CAPN14: variants seen among roughly 807,000 people sequenced by gnomAD.
CAPN14 encodes calpain 14, also known as calpain-14.
Under a neutral mutation model 101.3 loss-of-function variants are expected in CAPN14, and 94 were observed. The ratio of observed to expected loss-of-function variants is 0.93; its 90% CI spans 0.79 to 1.10. CAPN14 has a LOEUF of 1.10. CAPN14 is among the 50% of genes least tolerant of loss of function. The pLI is 0.00. For missense variants in CAPN14, 837 were observed against 828.4 expected (o/e 1.01, Z -0.13); for synonymous variants, 338 against 317.9 (o/e 1.06, Z -0.67).
chr2:31,188,851 C>T (rs1022073767), intron 13 of CAPN14, among the ~76,000 whole-genome samples: 1 of 152,172 alleles, frequency 6.6e-6, no homozygotes, highest in African/African-American at 2.4e-5. Flanking sequence ...ATAATAGTCA[C>T]CTCCTCCCTG....
At position 31,214,806 on chromosome 2, in the gene CAPN14, C is replaced by T. The variant is rs80256378; in HGVS notation, c.-53+2650G>A. Among the ~76,000 whole-genome samples, 1,493 of 152,330 alleles carry T rather than the reference C, an allele frequency of 9.8e-3. 31 individuals carry two copies. The highest frequency in any genetic ancestry group is 0.034 in the African/African-American group (1,408 of 41,556). Reference sequence around the variant, plus strand: ...TTCCCTGAGCAAAGGAACATCCGCTCGGCCTTTGTGGAAGTTGCACCCTGG... The same window carrying T: ...TTCCCTGAGCAAAGGAACATCCGCTTGGCCTTTGTGGAAGTTGCACCCTGG... On this transcript the variant is annotated intron_variant, in intron 1 of 21. Transcript: ENST00000403897.
chr2:31,197,491 C>A (rs1005051063), intron 7 of CAPN14, among the ~76,000 whole-genome samples, 157 bp from the exon 8 acceptor site: 3 of 152,196 alleles, frequency 2.0e-5, no homozygotes, highest in Admixed American at 2.0e-4. Context: ...CTTGTACTTA[C>A]AAGCTGTGAG....
At chr2:31,191,894 A>G (rs1347084414) in intron 11 of CAPN14, 41 bp downstream of exon 11, 2 of 1,494,088 alleles carry the variant, frequency 1.3e-6, no homozygotes, top group Non-Finnish European at 1.8e-6. Context: ...GGTGACCCCC[A>G]CGCTTGGTCC....
intron 9 of CAPN14, among the ~76,000 whole-genome samples, chr2:31,194,120 T>C (rs895879484): frequency 6.6e-6 from 1 of 152,088 alleles, no homozygotes; most frequent in Admixed American, 6.5e-5. Context: ...GCAAAACCTG[T>C]TTTGAATACA....
intron 11 of CAPN14, 112 bp downstream of exon 11, chr2:31,191,823 A>G: frequency 9.2e-7 from 1 of 1,081,870 alleles, no homozygotes; most frequent in East Asian, 2.6e-5. Context: ...TTGAAAACCC[A>G]GGTCTGTGAA....
intron 1 of CAPN14, among the ~76,000 whole-genome samples, chr2:31,211,940 G>T (rs1317320917): frequency 6.6e-6 from 1 of 152,092 alleles, no homozygotes; most frequent in East Asian, 1.9e-4. Context: ...AATAACTTTT[G>T]GGGTAATGGA....
intron 3 of CAPN14, among the ~76,000 whole-genome samples, 186 bp from the exon 4 acceptor site, chr2:31,202,438 T>A (rs1329463174): frequency 6.6e-6 from 1 of 152,158 alleles, no homozygotes; most frequent in Non-Finnish European, 1.5e-5. Context: ...GAAATCCAAC[T>A]TGACCCCAAA....
At chr2:31,177,887 G>A in intron 18 of CAPN14, 66 bp from the exon 19 acceptor site, 1 of 1,190,316 alleles carries the variant, frequency 8.4e-7, no homozygotes, top group Non-Finnish European at 1.2e-6. Context: ...AGAGCCCTGT[G>A]TGCCCCTTGT....
Position 31,188,373 on chromosome 2 carries a change from G to GA in CAPN14, c.1494-20dup. ...AATTTCACTGAGAACAAACAAACAAGAACAAACTCAGAGTTTCCTCTTGGG... is the reference window on the plus strand; with the variant it reads ...AATTTCACTGAGAACAAACAAACAAGAAACAAACTCAGAGTTTCCTCTTGGG... On this transcript the variant is annotated intron_variant, in intron 13 of 21. Transcript: ENST00000403897. 1 of 1,551,288 alleles carries GA rather than the reference G, an allele frequency of 6.4e-7. No homozygotes were observed. The highest frequency in any genetic ancestry group is 8.7e-7 in the Non-Finnish European group (1 of 1,146,802).
chr2:31,208,687 T>C (rs1328424029), intron 1 of CAPN14, among the ~76,000 whole-genome samples: 1 of 152,216 alleles, frequency 6.6e-6, no homozygotes, highest in African/African-American at 2.4e-5. Context: ...TCCTATATAT[T>C]ACAAACCATG....
intron 1 of CAPN14, chr2:31,233,776 C>G (rs1683266360): frequency 6.6e-6 from 1 of 152,128 alleles, no homozygotes; most frequent in Non-Finnish European, 1.5e-5. Context: ...AAAAAATCCC[C>G]CAATACTAGA....
intron 7 of CAPN14, among the ~76,000 whole-genome samples, chr2:31,198,626 T>C (rs1041111200): frequency 5.9e-5 from 9 of 152,140 alleles, no homozygotes; most frequent in African/African-American, 2.4e-5. Flanking sequence ...CAGACCAACA[T>C]AGTTGTTGGA....
Position 31,173,325 on chromosome 2 carries a change from T to C in CAPN14, c.*1356A>G, listed in dbSNP as rs546601454. 1.3e-5 allele frequency: 2 copies of C among 152,374 alleles called. No individual in the cohort carries two copies. Among genetic ancestry groups the C allele is most frequent in the East Asian group, 3.9e-4 (2 of 5,194 alleles). 9.4% of individuals were successfully genotyped at this position (152,374 alleles called of 1,614,324 possible). Reference sequence around the variant, plus strand: ...GCTACGCTTTCAAAGTGCTCCTTTCTTCTGGTACAGTACCCATCTGACAGG... The same window carrying C: ...GCTACGCTTTCAAAGTGCTCCTTTCCTCTGGTACAGTACCCATCTGACAGG... On this transcript the variant is annotated 3_prime_UTR_variant, in exon 22 of 22. Transcript: ENST00000403897.
chr2:31,229,360 C>A (rs999846078), intron 1 of CAPN14, among the ~76,000 whole-genome samples: 46 of 152,146 alleles, frequency 3.0e-4, no homozygotes, highest in African/African-American at 1.0e-3. Flanking sequence ...TTGTCTTGAA[C>A]CACAGTTATG....
rs529990622 is a variant in CAPN14, at chr2:31,174,563, G to A, written c.*118C>T. ...AAACCTTCCCAGCTGAGAAGGTGAC[G>A]GCTAGTGAGGCTGTCCTGAAGATCA... On this transcript the variant is annotated 3_prime_UTR_variant, in exon 22 of 22. Transcript: ENST00000403897. 7.5e-5 allele frequency: 79 copies of A among 1,052,068 alleles called. No homozygotes were observed. The African/African-American group carries it at 8.1e-4, about 11-fold the overall frequency. 65.2% of individuals were successfully genotyped at this position (1,052,068 alleles called of 1,614,324 possible). A position where few individuals can be genotyped will look rare whatever the true frequency, so the allele number is the denominator to read the frequency against.
At chr2:31,178,402 G>T in intron 18 of CAPN14, 109 bp downstream of exon 18, 2 of 803,034 alleles carry the variant, frequency 2.5e-6, no homozygotes, top group Non-Finnish European at 2.1e-6. Flanking sequence ...AGAAGGTTTG[G>T]TGAGGTGGAT....
intron 5 of CAPN14, among the ~76,000 whole-genome samples, 169 bp downstream of exon 5, chr2:31,201,693 A>G (rs932664460): frequency 6.6e-6 from 1 of 152,180 alleles, no homozygotes; most frequent in African/African-American, 2.4e-5. Context: ...GCAGGTTTAG[A>G]TGAGGTGACC....
At chr2:31,197,184 C>A in intron 8 of CAPN14, 65 bp downstream of exon 8, 3 of 1,101,534 alleles carry the variant, frequency 2.7e-6, no homozygotes, top group Non-Finnish European at 4.1e-6. Flanking sequence ...AATCTGTGTG[C>A]AAATGGCAGC....
chr2:31,216,338 G>C (rs1199209192), intron 1 of CAPN14, among the ~76,000 whole-genome samples: 1 of 152,106 alleles, frequency 6.6e-6, no homozygotes, highest in Non-Finnish European at 1.5e-5. Flanking sequence ...TGCTTGTTTT[G>C]ATGGTCAGGA....
Sources: gnomAD v4.1 joint callset for allele counts (sites outside exome capture counted in the v4.1 genomes callset) on GRCh38, gnomAD v4.1.1 for gene constraint, MANE v1.5 for transcripts, NCBI Gene and HGNC (gene_info 2026-07-23, HGNC 2026-07-21) for gene names.